CLIC5: variants seen among roughly 807,000 people sequenced by gnomAD.
The protein encoded by CLIC5 is CLIC family member 5.
CLIC5 carries 20 observed loss-of-function variants against 24.7 expected under a neutral mutation model. The observed-to-expected ratio is 0.81, with a 90% CI of 0.57 to 1.18. The LOEUF (loss-of-function observed/expected upper bound fraction) is 1.18, where lower values mean the gene tolerates loss of function less well. CLIC5 is among the 50% of genes most tolerant of loss of function. The pLI, the probability that CLIC5 is intolerant of heterozygous loss-of-function variation, is 0.00. For synonymous variants in CLIC5, 159 were observed against 135.6 expected, an observed-to-expected ratio of 1.17 and a Z score of -1.20; for missense variants, 341 against 326.1, an observed-to-expected ratio of 1.05 and a Z score of -0.35.
chr6:45,904,338 T>C (rs1454504540), intron 5 of CLIC5, among the ~76,000 whole-genome samples: 1 of 152,098 alleles, frequency 6.6e-6, no homozygotes, highest in South Asian at 2.1e-4. Flanking sequence ...TGTACCCATT[T>C]GCATGCATTT....
chr6:45,986,057 AC>A, intron 1 of CLIC5, among the ~76,000 whole-genome samples: 1 of 152,180 alleles, frequency 6.6e-6, no homozygotes, highest in South Asian at 2.1e-4. Context: ...CTAAGACATG[AC>A]CATGCTCCTC....
chr6:46,074,414 C>A (rs1387562117), intron 1 of CLIC5, among the ~76,000 whole-genome samples: 1 of 152,174 alleles, frequency 6.6e-6, no homozygotes, highest in Non-Finnish European at 1.5e-5. Context: ...CTTTACTATG[C>A]TGAGCCAAAT....
chr6:46,027,429 T>C (rs913331179), intron 1 of CLIC5, among the ~76,000 whole-genome samples: 24 of 152,346 alleles, frequency 1.6e-4, no homozygotes, highest in South Asian at 6.2e-4. Context: ...TCCCCCATTA[T>C]ATCCCTATGG....
intron 1 of CLIC5, among the ~76,000 whole-genome samples, chr6:46,053,271 A>G (rs1386662936): frequency 6.6e-6 from 1 of 151,884 alleles, no homozygotes; most frequent in African/African-American, 2.4e-5. Flanking sequence ...GAGCTGGGTG[A>G]CAGGCTGGTA....
At chr6:45,988,785 G>A (rs1581831295) in intron 1 of CLIC5, among the ~76,000 whole-genome samples, 1 of 152,198 alleles carries the variant, frequency 6.6e-6, no homozygotes, top group Admixed American at 6.5e-5. Flanking sequence ...TGTGGTGCTG[G>A]CCCAGCCAAT....
intron 1 of CLIC5, among the ~76,000 whole-genome samples, chr6:46,020,868 G>T (rs1378262265): frequency 1.3e-5 from 2 of 151,842 alleles, no homozygotes; most frequent in African/African-American, 2.4e-5. Flanking sequence ...CACTCAATGA[G>T]AAGTAGATAA....
chr6:46,108,499 C>T, the CLIC5 span, among the ~76,000 whole-genome samples: 5 of 151,892 alleles, frequency 3.3e-5, no homozygotes, highest in South Asian at 2.1e-4. Flanking sequence ...TGGGTTCAAG[C>T]GATTCTCCTG....
the CLIC5 span, among the ~76,000 whole-genome samples, chr6:46,115,229 C>A: frequency 2.0e-5 from 3 of 152,186 alleles, no homozygotes; most frequent in African/African-American, 7.2e-5. Flanking sequence ...CAAACAGGAA[C>A]AGTGAGAAGC....
At chr6:46,121,353 A>C in the CLIC5 span, among the ~76,000 whole-genome samples, 1 of 152,236 alleles carries the variant, frequency 6.6e-6, no homozygotes, top group African/African-American at 2.4e-5. Flanking sequence ...TGAAGGAGAA[A>C]TAAAATCCTT....
chr6:45,974,282 AGT>A lies in CLIC5; in HGVS notation c.64-19040_64-19039del, dbSNP rs758583767. ...GCCTCTGACACCTTCTCTGCCTATC[AGT>A]CAGAGTGACAGCAAGAGTCAAATGA... is the stretch of plus-strand genomic sequence containing the variant. On this transcript the variant is annotated intron_variant, in intron 1 of 5. Coordinates refer to ENST00000339561, the MANE Select transcript of CLIC5 (RefSeq NM_016929.5). Among the ~76,000 whole-genome samples, 235 of 152,002 alleles carry A rather than the reference AGT, an allele frequency of 1.5e-3. 2 individuals are homozygous for A. The highest frequency in any genetic ancestry group is 9.6e-3 in the Admixed American group (146 of 15,252).
chr6:45,905,098 T>TA (rs536676357), intron 5 of CLIC5, among the ~76,000 whole-genome samples: 45 of 152,356 alleles, frequency 3.0e-4, no homozygotes, highest in Non-Finnish European at 4.9e-4. Flanking sequence ...GATGTATATG[T>TA]ACCATGTTTT....
chr6:45,964,458 C>A (rs1423260576), intron 1 of CLIC5, among the ~76,000 whole-genome samples: 1 of 152,130 alleles, frequency 6.6e-6, no homozygotes, highest in Non-Finnish European at 1.5e-5. Context: ...AGAAGTGACA[C>A]AATGTGTGAC....
chr6:45,896,798 G>A (rs1294764347), downstream of CLIC5, among the ~76,000 whole-genome samples: 1 of 152,136 alleles, frequency 6.6e-6, no homozygotes, highest in African/African-American at 2.4e-5. Context: ...GAGAGATGAT[G>A]TCTCCCATGC....
intron 6 of CLIC5, among the ~76,000 whole-genome samples, chr6:45,886,737 C>A (rs1194577932): frequency 6.6e-6 from 1 of 152,122 alleles, no homozygotes; most frequent in Admixed American, 6.5e-5. Context: ...TCAAAGGCTT[C>A]TGGGGTGGAC....
intron 1 of CLIC5, among the ~76,000 whole-genome samples, chr6:46,011,800 C>T (rs913944900): frequency 1.1e-4 from 16 of 152,178 alleles, no homozygotes; most frequent in Admixed American, 7.9e-4. Context: ...CACTCACTGC[C>T]ATTACCTCTA....
At chr6:45,947,163 C>T (rs542259427) in intron 3 of CLIC5, among the ~76,000 whole-genome samples, 4 of 152,284 alleles carry the variant, frequency 2.6e-5, no homozygotes, top group East Asian at 1.9e-4. Context: ...TGTTCAAGGA[C>T]GCATGGGGCA....
intron 1 of CLIC5, chr6:46,014,430 AG>A (rs1320015889): frequency 6.6e-6 from 1 of 152,222 alleles, no homozygotes; most frequent in Non-Finnish European, 1.5e-5. Flanking sequence ...GGCCCCTGAC[AG>A]GCACCAGTGA....
At chr6:46,055,208 T>C (rs550328057) in intron 1 of CLIC5, among the ~76,000 whole-genome samples, 12 of 152,340 alleles carry the variant, frequency 7.9e-5, no homozygotes, top group African/African-American at 2.6e-4. Flanking sequence ...GTTCAAGTAA[T>C]TCTCACACCT....
chr6:45,997,864 T>C (rs2127430156), intron 1 of CLIC5, among the ~76,000 whole-genome samples: 1 of 152,282 alleles, frequency 6.6e-6, no homozygotes, highest in African/African-American at 2.4e-5. Flanking sequence ...CCAGAGACTA[T>C]AAGTAGGTTC....
Sources: gnomAD v4.1 joint callset for allele counts (sites outside exome capture counted in the v4.1 genomes callset) on GRCh38, gnomAD v4.1.1 for gene constraint, MANE v1.5 for transcripts, NCBI Gene and HGNC (gene_info 2026-07-23, HGNC 2026-07-21) for gene names.